Variants in CYFIP1 observed in about 807,000 individuals in gnomAD.
The protein encoded by CYFIP1 is cytoplasmic FMR1-interacting protein 1.
In CYFIP1, 58 loss-of-function variants were observed where a neutral mutation model predicts 163.5. That is an observed-to-expected ratio of 0.35 (90% CI 0.29 to 0.44). CYFIP1 has a LOEUF of 0.44. Among genes scored for constraint, CYFIP1 ranks in the 20% least tolerant of loss-of-function variants. The probability of loss-of-function intolerance (pLI) is 1.00; values close to 1 mark genes in which losing one functional copy is unlikely to be tolerated. For synonymous variants in CYFIP1, 663 were observed against 660.7 expected, an observed-to-expected ratio of 1.00 and a Z score of -0.05; for missense variants, 1,338 against 1,653.8, an observed-to-expected ratio of 0.81 and a Z score of 3.31.
At chr15:22,961,679 C>G (rs934088359) in intron 1 of CYFIP1, among the ~76,000 whole-genome samples, 1 of 152,134 alleles carries the variant, frequency 6.6e-6, no homozygotes, top group Non-Finnish European at 1.5e-5. Flanking sequence ...CTTCCCCCTG[C>G]CTGTTTTTCT....
At chr15:22,913,544 A>G (rs1029424553) in intron 17 of CYFIP1, among the ~76,000 whole-genome samples, 13 of 147,668 alleles carry the variant, frequency 8.8e-5, no homozygotes, top group African/African-American at 2.2e-4. Context: ...AAAAAAAAAA[A>G]AAAAAAAGAA....
intron 22 of CYFIP1, 115 bp from the exon 23 acceptor site, chr15:22,893,092 A>G (rs1250616437): frequency 2.8e-6 from 2 of 706,150 alleles, no homozygotes; most frequent in East Asian, 2.7e-5. Context: ...AACTGATACA[A>G]TCATCAAATA....
chr15:22,882,669 G>A (rs2059801308), intron 24 of CYFIP1, among the ~76,000 whole-genome samples, 199 bp downstream of exon 24: 1 of 152,180 alleles, frequency 6.6e-6, no homozygotes, highest in Admixed American at 6.5e-5. Flanking sequence ...CTGCGTATCA[G>A]TTAAAATAAC....
intron 17 of CYFIP1, 114 bp from the exon 18 acceptor site, chr15:22,912,389 A>T: frequency 2.6e-6 from 2 of 755,418 alleles, no homozygotes; most frequent in Non-Finnish European, 4.2e-6. Flanking sequence ...CGTAAGGAAA[A>T]ACAACTTTCA....
intron 25 of CYFIP1, among the ~76,000 whole-genome samples, chr15:22,881,607 T>C (rs1441317966): frequency 6.6e-6 from 1 of 152,000 alleles, no homozygotes; most frequent in Non-Finnish European, 1.5e-5. Flanking sequence ...AATTCTTTCG[T>C]AGGGGTGCCC....
chr15:22,956,251 A>T (rs2062449027), intron 1 of CYFIP1, among the ~76,000 whole-genome samples: 1 of 152,084 alleles, frequency 6.6e-6, no homozygotes, highest in Non-Finnish European at 1.5e-5. Flanking sequence ...CCTGTGTCTG[A>T]GCAGCATGAG....
chr15:22,872,733 G>A, intron 30 of CYFIP1, 92 bp downstream of exon 30: 1 of 1,378,932 alleles, frequency 7.3e-7, no homozygotes, highest in Non-Finnish European at 1.0e-6. Context: ...GTACTAGGAT[G>A]AAAAACATTG....
chr15:22,902,653 T>C (rs917138303), intron 22 of CYFIP1, among the ~76,000 whole-genome samples: 1 of 152,248 alleles, frequency 6.6e-6, no homozygotes, highest in African/African-American at 2.4e-5. Context: ...TTGGTTTCCA[T>C]GGACCACTCC....
At chr15:22,965,237 T>A (rs1043738293) in intron 1 of CYFIP1, among the ~76,000 whole-genome samples, 1 of 152,212 alleles carries the variant, frequency 6.6e-6, no homozygotes, top group African/African-American at 2.4e-5. Context: ...GGCAGGCGGA[T>A]CACCTGAGGT....
chr15:22,877,932 C>T (rs867856329), intron 26 of CYFIP1, among the ~76,000 whole-genome samples: 3 of 152,264 alleles, frequency 2.0e-5, no homozygotes, highest in African/African-American at 4.8e-5. Context: ...TCTTTCACCG[C>T]ACAGGCTGGT....
At chr15:22,910,888 G>T in intron 18 of CYFIP1, 75 bp from the exon 19 acceptor site, 1 of 1,301,492 alleles carries the variant, frequency 7.7e-7, no homozygotes, top group Non-Finnish European at 1.1e-6. Flanking sequence ...AAAACAAAAT[G>T]TTTCGTTAAG....
At chr15:22,927,307 C>G (rs1432337281) in intron 12 of CYFIP1, among the ~76,000 whole-genome samples, 3 of 151,816 alleles carry the variant, frequency 2.0e-5, no homozygotes, top group Non-Finnish European at 4.4e-5. Flanking sequence ...TGGTGAAATA[C>G]CATCTCTACT....
At chr15:22,929,706 C>A (rs548617997) in intron 11 of CYFIP1, among the ~76,000 whole-genome samples, 1 of 145,686 alleles carries the variant, frequency 6.9e-6, no homozygotes, top group Non-Finnish European at 1.5e-5. Flanking sequence ...GAGGCCGAGA[C>A]GGGCGGATCA....
At position 22,884,073 on chromosome 15, in the gene CYFIP1, C is replaced by CA. The variant is rs1209279603; in HGVS notation, c.2677-1063dup. 3.9e-5 allele frequency among the ~76,000 whole-genome samples: 6 copies of CA among 152,254 alleles called. No homozygotes were observed. The East Asian group carries it at 1.2e-3, about 29-fold the overall frequency. ...GAACCAGTCAACTCCCACCAGCTCC[C>CA]ACCCTTGACATGTGGGCATAATGGG... On this transcript the variant is annotated intron_variant, in intron 23 of 30. Transcript: ENST00000617928.
chr15:22,918,882 A>G, intron 13 of CYFIP1, 24 bp from the exon 14 acceptor site: 1 of 1,559,960 alleles, frequency 6.4e-7, no homozygotes, highest in Non-Finnish European at 8.7e-7. Flanking sequence ...AGCAACAGGG[A>G]CGGCCCTTCT....
At chr15:22,933,610 G>A (rs878876527) in intron 10 of CYFIP1, among the ~76,000 whole-genome samples, 192 bp downstream of exon 10, 15 of 152,092 alleles carry the variant, frequency 9.9e-5, no homozygotes, top group South Asian at 8.3e-4. Flanking sequence ...CACCGCGCCC[G>A]GCCTCAATTG....
chr15:22,886,328 C>T (rs567823745), intron 23 of CYFIP1, among the ~76,000 whole-genome samples: 26 of 152,264 alleles, frequency 1.7e-4, no homozygotes, highest in East Asian at 7.7e-4. Context: ...TCTAAGGACA[C>T]GGGTGCAGAT....
At chr15:22,944,041 C>T (rs367983844) in intron 5 of CYFIP1, among the ~76,000 whole-genome samples, 1 of 151,970 alleles carries the variant, frequency 6.6e-6, no homozygotes, top group Non-Finnish European at 1.5e-5. Flanking sequence ...GAGTTCAAAA[C>T]CAGCTTGGCC....
intron 6 of CYFIP1, among the ~76,000 whole-genome samples, chr15:22,942,311 A>G (rs1253099791): frequency 6.6e-6 from 1 of 152,238 alleles, no homozygotes; most frequent in East Asian, 1.9e-4. Context: ...CTTCGAATTT[A>G]ATTTTAGAGC....
Sources: allele counts gnomAD v4.1 joint callset (sites outside exome capture counted in the v4.1 genomes callset), GRCh38; gene constraint gnomAD v4.1.1; transcripts MANE v1.5; gene names NCBI Gene and HGNC (gene_info 2026-07-23, HGNC 2026-07-21).